Variants in ELL2 observed in about 807,000 individuals in gnomAD.
The protein encoded by ELL2 is elongation factor for RNA polymerase II 2.
In ELL2, 21 loss-of-function variants were observed where a neutral mutation model predicts 72.8. That is an observed-to-expected ratio of 0.29 (90% confidence interval 0.20 to 0.42). ELL2 has a LOEUF of 0.42. Ranked by LOEUF, ELL2 falls within the 10% of genes least tolerant of loss-of-function variation. ELL2 has a pLI of 1.00. For synonymous variants in ELL2, 266 were observed against 283.2 expected (o/e 0.94, Z 0.61); for missense variants, 568 against 772.8 (o/e 0.73, Z 3.14).
chr5:95,890,334 A>T (rs915833627), intron 10 of ELL2, among the ~76,000 whole-genome samples: 4 of 151,868 alleles, frequency 2.6e-5, no homozygotes, highest in Non-Finnish European at 4.4e-5. Flanking sequence ...TTGTGGGAAA[A>T]CTCATCCATT....
At chr5:95,905,395 A>G (rs1381103257) in intron 5 of ELL2, among the ~76,000 whole-genome samples, 1 of 152,178 alleles carries the variant, frequency 6.6e-6, no homozygotes, top group Non-Finnish European at 1.5e-5. Flanking sequence ...CTAATTCACA[A>G]CTTTTCTGGA....
Position 95,913,950 on chromosome 5 carries a change from G to T in ELL2, c.318-16C>A. ...GGCTCCAGAGCTGTCAAGTAAGTCAGTGGCTTTGTTAGACATGACCTTCAT... is the reference window on the plus strand; with the variant it reads ...GGCTCCAGAGCTGTCAAGTAAGTCATTGGCTTTGTTAGACATGACCTTCAT... On this transcript the variant is annotated splice_polypyrimidine_tract_variant and intron_variant, in intron 3 of 11. Transcript: ENST00000237853. 1 of 1,572,184 alleles carries T rather than the reference G, an allele frequency of 6.4e-7. No individual in the cohort carries two copies. The highest frequency in any genetic ancestry group is 8.6e-7 in the Non-Finnish European group (1 of 1,161,748).
intron 5 of ELL2, among the ~76,000 whole-genome samples, chr5:95,905,652 A>G (rs921012979): frequency 5.9e-5 from 9 of 152,342 alleles, no homozygotes; most frequent in East Asian, 3.9e-4. Context: ...TTACCCTTTC[A>G]TAACATTTAG....
rs149866957 is a variant in ELL2 at position 95,919,518 on chromosome 5, G to A, written c.223C>T (p.Leu75Phe). ...AAGTTAAAGTTATGAACTTCATTGA[G>A]GGGATCATTTTTGGGAATTTTGACA... is the stretch of plus-strand genomic sequence containing the variant. ...GLVKIPKNDP[L>F]NEVHNFNFYL... Residue 75 changes from leucine (L) to phenylalanine (F), a missense_variant, in exon 3 of 12, where the codon CTC becomes TTC. By Grantham distance (22) the Leu-to-Phe change is conservative. Transcript: ENST00000237853. 19 of 1,571,312 alleles carry A rather than the reference G, an allele frequency of 1.2e-5. No individual in the cohort carries two copies. The African/African-American group carries it at 2.1e-4, about 17-fold the overall frequency.
At chr5:95,890,387 A>T (rs1748615820) in intron 10 of ELL2, among the ~76,000 whole-genome samples, 1 of 152,196 alleles carries the variant, frequency 6.6e-6, no homozygotes, top group African/African-American at 2.4e-5. Context: ...GTGGGCTGGG[A>T]CAGAGGCACC....
chr5:95,888,477 C>T lies in ELL2; in HGVS notation c.*394G>A, dbSNP rs1472464501. ...TTACGTTTATCCAAAAGCATTTCACCTTGCACATTACTGTTGTTGTTTTTT... is the reference window on the plus strand; with the variant it reads ...TTACGTTTATCCAAAAGCATTTCACTTTGCACATTACTGTTGTTGTTTTTT... On this transcript the variant is annotated 3_prime_UTR_variant, in exon 12 of 12. Transcript: ENST00000237853. The T allele has an allele frequency of 6.5e-6, 1 of 154,838 alleles. No homozygotes were observed. The highest frequency in any genetic ancestry group is 2.4e-5 in the African/African-American group (1 of 41,494). The allele number at this position is 154,838 out of a possible 1,614,324, so 9.6% of individuals were successfully genotyped here.
chr5:95,898,118 A>T, intron 8 of ELL2, 122 bp downstream of exon 8: 1 of 851,390 alleles, frequency 1.2e-6, no homozygotes, highest in Non-Finnish European at 1.7e-6. Flanking sequence ...ACTGCTCAAA[A>T]GCACAACACT....
intron 2 of ELL2, among the ~76,000 whole-genome samples, chr5:95,920,277 ATATTTATT>A (rs70978197): frequency 0.035 from 4,684 of 135,192 alleles, 135 homozygotes; most frequent in African/African-American, 0.078. Context: ...TAAATTTTTA[ATATTTATT>A]TATTTATTTA....
At chr5:95,940,169 A>G (rs1040037797) in intron 2 of ELL2, among the ~76,000 whole-genome samples, 1 of 152,190 alleles carries the variant, frequency 6.6e-6, no homozygotes, top group Non-Finnish European at 1.5e-5. Context: ...ACCTTTTTCC[A>G]TTAAGGAACA....
chr5:95,907,112 C>G (rs565380541), intron 4 of ELL2, among the ~76,000 whole-genome samples: 2 of 151,752 alleles, frequency 1.3e-5, no homozygotes, highest in African/African-American at 4.8e-5. Flanking sequence ...TAAATATATG[C>G]CATTTCTGAA....
chr5:95,930,480 A>G (rs914103734), intron 2 of ELL2, among the ~76,000 whole-genome samples: 3 of 152,328 alleles, frequency 2.0e-5, no homozygotes, highest in Admixed American at 2.0e-4. Context: ...TCACCAAGAA[A>G]ACTTGTAAGT....
intron 2 of ELL2, among the ~76,000 whole-genome samples, chr5:95,923,181 T>C (rs1750157900): frequency 6.6e-6 from 1 of 150,930 alleles, no homozygotes; most frequent in African/African-American, 2.4e-5. Flanking sequence ...GCCTGGGAGT[T>C]CGAGACCAGC....
At chr5:95,931,489 C>T (rs1018053610) in intron 2 of ELL2, among the ~76,000 whole-genome samples, 4 of 151,884 alleles carry the variant, frequency 2.6e-5, no homozygotes, top group South Asian at 2.1e-4. Flanking sequence ...ACAAGCTCTT[C>T]GGATAATCAA....
intron 1 of ELL2, among the ~76,000 whole-genome samples, chr5:95,945,310 C>G (rs959881563): frequency 6.6e-6 from 1 of 152,188 alleles, no homozygotes; most frequent in African/African-American, 2.4e-5. Flanking sequence ...AACTTACAGT[C>G]TCTTCTCTCC....
At chr5:95,916,783 G>C (rs1176635855) in intron 3 of ELL2, among the ~76,000 whole-genome samples, 1 of 151,528 alleles carries the variant, frequency 6.6e-6, no homozygotes, top group Non-Finnish European at 1.5e-5. Flanking sequence ...GGAATGCTGA[G>C]AGAGGGGAAG....
At chr5:95,942,096 C>T (rs1750990332) in intron 2 of ELL2, among the ~76,000 whole-genome samples, 2 of 152,174 alleles carry the variant, frequency 1.3e-5, no homozygotes, top group Admixed American at 6.5e-5. Context: ...TGTAATTAAT[C>T]TGACTCTTGA....
In ELL2 at chr5:95,954,858, C is replaced by T. The variant is rs371209162; in HGVS notation, c.147+6717G>A. On this transcript the variant is annotated intron_variant, in intron 1 of 11. Coordinates refer to ENST00000237853, the MANE Select transcript of ELL2 (RefSeq NM_012081.6). ...AACTTCTTCCTAACTTGTCTATCTCCTTCCAGATTCACATTATAGTCATCC... is the reference window on the plus strand; with the variant it reads ...AACTTCTTCCTAACTTGTCTATCTCTTTCCAGATTCACATTATAGTCATCC... Among the ~76,000 whole-genome samples the T allele has an allele frequency of 3.9e-4, 60 of 152,244 alleles. 1 individual carries two copies. In the East Asian group the frequency reaches 8.1e-3, roughly 21 times the overall value.
rs1748565834 is a variant in ELL2 at position 95,889,132 on chromosome 5, T to C, written c.1762-2A>G. The C allele has an allele frequency of 6.2e-7, 1 of 1,603,742 alleles. No individual in the cohort carries two copies. The highest frequency in any genetic ancestry group is 8.5e-7 in the Non-Finnish European group (1 of 1,172,776). ...TTGTAAGACTTCTTCATGAACATTC[T>C]ACAAAATTAAATATTAGAAATCAGA... is the stretch of plus-strand genomic sequence containing the variant. On this transcript the variant is annotated splice_acceptor_variant, in intron 10 of 11. Coordinates refer to ENST00000237853, the MANE Select transcript of ELL2 (RefSeq NM_012081.6). LOFTEE classifies it high-confidence loss of function.
chr5:95,923,377 T>A (rs1750167901), intron 2 of ELL2, among the ~76,000 whole-genome samples: 1 of 152,172 alleles, frequency 6.6e-6, no homozygotes, highest in Admixed American at 6.5e-5. Flanking sequence ...ACCACCTCTG[T>A]CCTCACCTCT....
Sources: gnomAD v4.1 joint callset for allele counts (sites outside exome capture counted in the v4.1 genomes callset) on GRCh38, gnomAD v4.1.1 for gene constraint, MANE v1.5 for transcripts, NCBI Gene and HGNC (gene_info 2026-07-23, HGNC 2026-07-21) for gene names.